The following PKP4 variants were observed in gnomAD, a reference collection of about 807,000 sequenced individuals.
The protein encoded by PKP4 is plakophilin 4.
A neutral mutation model predicts 145.1 loss-of-function variants in PKP4; 90 were observed. The observed-to-expected ratio is 0.62, with a 90% CI of 0.52 to 0.74. The LOEUF is 0.74. Ranked by LOEUF, PKP4 falls within the 30% of genes least tolerant of loss-of-function variation. The pLI, the probability that PKP4 is intolerant of heterozygous loss-of-function variation, is 0.00. For synonymous variants in PKP4, 563 were observed against 577.2 expected, an observed-to-expected ratio of 0.98 and a Z score of 0.35; for missense variants, 1,340 against 1,482.7, an observed-to-expected ratio of 0.90 and a Z score of 1.58.
rs117807127 is a variant in PKP4 at position 158,515,852 on chromosome 2, C to T, written c.-5-17328C>T. Among the ~76,000 whole-genome samples the T allele has an allele frequency of 4.3e-3, 650 of 152,148 alleles. 13 individuals carry two copies. The highest frequency in any genetic ancestry group is 6.4e-3 in the East Asian group (33 of 5,168). On this transcript the variant is annotated intron_variant, in intron 1 of 21. Transcript: ENST00000389759. ...CTTGAGGCCAGGAGTTCAAGACCAG[C>T]CTGGCTAACATACTGAGACCCTGTC... is the stretch of plus-strand genomic sequence containing the variant.
chr2:158,669,448 A>G lies in PKP4; in HGVS notation c.2729-272A>G, dbSNP rs72942786. On this transcript the variant is annotated intron_variant, in intron 16 of 21. Transcript: ENST00000389759. The stretch of plus-strand genomic sequence containing the variant: ...GAAAGTAACTTGATTTGTCTACCCA[A>G]TTTTACGCATTGATTTACATTTGCT... 59,919 of 276,628 alleles carry G rather than the reference A, an allele frequency of 0.22. 7,659 individuals are homozygous for G. The highest frequency in any genetic ancestry group is 0.28 in the Non-Finnish European group (41,477 of 149,126). The allele number at this position is 276,628 out of a possible 1,614,324, so 17.1% of individuals were successfully genotyped here.
chr2:158,608,789 A>ATCTTATTT (rs2050860354), intron 4 of PKP4, among the ~76,000 whole-genome samples: 1 of 145,724 alleles, frequency 6.9e-6, no homozygotes, highest in South Asian at 2.2e-4. Context: ...AAATAGTAAA[A>ATCTTATTT]TCTTATTTTC....
intron 17 of PKP4, 71 bp downstream of exon 17, chr2:158,669,986 G>A: frequency 8.4e-7 from 1 of 1,185,640 alleles, no homozygotes; most frequent in Non-Finnish European, 1.2e-6. Context: ...GGCCTTTGTT[G>A]AGGATACCTT....
chr2:158,618,561 G>C lies in PKP4; in HGVS notation c.281-2429G>C, dbSNP rs555748323. Among the ~76,000 whole-genome samples the C allele has an allele frequency of 2.0e-5, 3 of 152,218 alleles. No individual in the cohort carries two copies. In the South Asian group the frequency reaches 6.2e-4, roughly 32 times the overall value. On this transcript the variant is annotated intron_variant, in intron 4 of 21. Transcript: ENST00000389759. ...AAGTTTTATTAGGGCAACCAGTATG[G>C]AATCACATATCTCATGATTTGTGCT...
At chr2:158,670,337 C>G (rs1204407716) in intron 17 of PKP4, among the ~76,000 whole-genome samples, 2 of 152,128 alleles carry the variant, frequency 1.3e-5, no homozygotes, top group Non-Finnish European at 2.9e-5. Context: ...TTCAGCTGTC[C>G]TTGCACGGTA....
intron 2 of PKP4, among the ~76,000 whole-genome samples, chr2:158,567,473 G>T (rs2047085836): frequency 6.6e-6 from 1 of 152,184 alleles, no homozygotes; most frequent in South Asian, 2.1e-4. Context: ...GTTGGGTAGA[G>T]CGTGGTGCGC....
At chr2:158,476,830 A>C (rs1692545735) in intron 1 of PKP4, among the ~76,000 whole-genome samples, 1 of 152,168 alleles carries the variant, frequency 6.6e-6, no homozygotes, top group Non-Finnish European at 1.5e-5. Context: ...TTCACAGGTG[A>C]CCACTGATGT....
chr2:158,596,204 T>C (rs3771639), intron 3 of PKP4, among the ~76,000 whole-genome samples: 108,379 of 151,970 alleles, frequency 0.71, 39,916 homozygotes, highest in Non-Finnish European at 0.8. Flanking sequence ...ACATATGTTA[T>C]AAAATGAGCA....
intron 1 of PKP4, among the ~76,000 whole-genome samples, chr2:158,525,925 C>A (rs1174798931): frequency 6.6e-6 from 1 of 151,216 alleles, no homozygotes; most frequent in African/African-American, 2.4e-5. Context: ...TCTCCCAAGA[C>A]TAAACCAGGA....
At chr2:158,585,527 T>C (rs1431309195) in intron 3 of PKP4, among the ~76,000 whole-genome samples, 1 of 152,232 alleles carries the variant, frequency 6.6e-6, no homozygotes, top group East Asian at 1.9e-4. Context: ...AAAGACCTTT[T>C]TGTGGTTCAA....
At chr2:158,628,771 T>TA (rs2053061888) in intron 7 of PKP4, among the ~76,000 whole-genome samples, 1 of 152,200 alleles carries the variant, frequency 6.6e-6, no homozygotes, top group African/African-American at 2.4e-5. Context: ...AATGAGAATA[T>TA]AACATTGTAA....
At chr2:158,651,173 G>C (rs2055328315) in intron 11 of PKP4, among the ~76,000 whole-genome samples, 1 of 152,126 alleles carries the variant, frequency 6.6e-6, no homozygotes, top group Non-Finnish European at 1.5e-5. Flanking sequence ...ACAGCCTTCA[G>C]CCCTGTTAGA....
At chr2:158,613,786 A>G (rs1366666211) in intron 4 of PKP4, among the ~76,000 whole-genome samples, 2 of 152,208 alleles carry the variant, frequency 1.3e-5, no homozygotes, top group Non-Finnish European at 2.9e-5. Context: ...TATGCTACCC[A>G]CAAAGGCTTG....
intron 20 of PKP4, chr2:158,677,404 A>G (rs747350967): frequency 1.6e-5 from 3 of 190,194 alleles, no homozygotes; most frequent in African/African-American, 2.3e-5. Context: ...ATAATGTTAC[A>G]TAGTGTTAAT....
chr2:158,582,213 TAAAG>T (rs2048390375), intron 3 of PKP4, among the ~76,000 whole-genome samples: 1 of 152,184 alleles, frequency 6.6e-6, no homozygotes, highest in Admixed American at 6.5e-5. Flanking sequence ...AATGAATTAA[TAAAG>T]AAGTTATGGT....
At chr2:158,478,213 A>AT (rs143953401) in intron 1 of PKP4, among the ~76,000 whole-genome samples, 30,539 of 150,358 alleles carry the variant, frequency 0.2, 3,776 homozygotes, top group Middle Eastern at 0.34. Flanking sequence ...TATTATTTAG[A>AT]TTTTTTTTTT....
At chr2:158,505,445 A>C (rs1377595758) in intron 1 of PKP4, among the ~76,000 whole-genome samples, 1 of 152,142 alleles carries the variant, frequency 6.6e-6, no homozygotes, top group African/African-American at 2.4e-5. Flanking sequence ...ATTGAACCCT[A>C]GTCATTTGTC....
intron 2 of PKP4, among the ~76,000 whole-genome samples, chr2:158,570,874 C>T (rs577158900): frequency 1.3e-5 from 2 of 152,194 alleles, no homozygotes; most frequent in Admixed American, 1.3e-4. Context: ...GAAACAGAGA[C>T]TGAGGAGTCC....
chr2:158,681,384 T>C lies in PKP4; in HGVS notation c.*707T>C, dbSNP rs2058412176. 1 of 152,582 alleles carries C rather than the reference T, an allele frequency of 6.6e-6. No individual in the cohort carries two copies. Among genetic ancestry groups the C allele is most frequent in the African/African-American group, 2.4e-5 (1 of 41,462 alleles). The allele number at this position is 152,582 out of a possible 1,614,324, so 9.5% of individuals were successfully genotyped here. On this transcript the variant is annotated 3_prime_UTR_variant, in exon 22 of 22. Coordinates refer to ENST00000389759, the MANE Select transcript of PKP4 (RefSeq NM_003628.6). ...CATAGGACACTTCACTGCCATTTTC[T>C]ATTCACATAAAAGAAAAATAAATGT...
Sources: gnomAD v4.1 joint callset for allele counts (sites outside exome capture counted in the v4.1 genomes callset) on GRCh38, gnomAD v4.1.1 for gene constraint, MANE v1.5 for transcripts, NCBI Gene and HGNC (gene_info 2026-07-23, HGNC 2026-07-21) for gene names.